The following HDLBP variants were observed in gnomAD, a reference collection of about 807,000 sequenced individuals.
HDLBP encodes vigilin.
Under a neutral mutation model 137.3 loss-of-function variants are expected in HDLBP, and 30 were observed. The observed-to-expected ratio is 0.22, with a 90% CI of 0.16 to 0.30. The LOEUF (loss-of-function observed/expected upper bound fraction) is 0.30. HDLBP is among the 10% of genes least tolerant of loss of function. The probability of loss-of-function intolerance (pLI) is 1.00; values close to 1 mark genes in which losing one functional copy is unlikely to be tolerated. For synonymous variants in HDLBP, 606 were observed against 596.0 expected (o/e 1.02, Z -0.24); for missense variants, 1,119 against 1,667.3 (o/e 0.67, Z 5.73).
intron 11 of HDLBP, 116 bp downstream of exon 11, chr2:241,252,841 T>C (rs1257326695): frequency 4.6e-6 from 3 of 649,290 alleles, no homozygotes; most frequent in East Asian, 2.6e-5. Flanking sequence ...GTAACTCCCA[T>C]TACAGGCAGC....
chr2:241,257,218 A>T (rs993928887), intron 5 of HDLBP, among the ~76,000 whole-genome samples: 1 of 152,244 alleles, frequency 6.6e-6, no homozygotes, highest in Non-Finnish European at 1.5e-5. Flanking sequence ...ACTACTTAGA[A>T]GATGTAATGA....
chr2:241,285,139 C>T (rs1457811736), intron 1 of HDLBP, among the ~76,000 whole-genome samples: 1 of 152,358 alleles, frequency 6.6e-6, no homozygotes, highest in African/African-American at 2.4e-5. Flanking sequence ...CCTTGGCCTC[C>T]CAATGTGCTG....
chr2:241,233,907 A>G lies in HDLBP; in HGVS notation c.3201T>C (p.Ile1067=), dbSNP rs1470392456. 1 of 1,614,108 alleles carries G rather than the reference A, an allele frequency of 6.2e-7. No individual in the cohort carries two copies. The highest frequency in any genetic ancestry group is 1.1e-5 in the South Asian group (1 of 91,064). ...VTVDPKYHPK[I]IGRKGAVITQ... is the part of the protein sequence containing the mutation. ...TAATTACTGCCCCCTTTCTCCCGAT[A>G]ATCTTGGGATGGTATTTGGGGTCTA... Residue 1067 remains isoleucine (I), a synonymous_variant, in exon 24 of 28, where the codon ATT becomes ATC. Coordinates refer to ENST00000310931, the MANE Select transcript of HDLBP (RefSeq NM_005336.6). This position sits in a 1 kb window ranked among gnomAD's most constrained non-coding sequence, Gnocchi z 4.3.
chr2:241,309,213 A>G (rs758256315), intron 1 of HDLBP, among the ~76,000 whole-genome samples: 1 of 152,032 alleles, frequency 6.6e-6, no homozygotes, highest in African/African-American at 2.4e-5. Flanking sequence ...TCTTGTCCAC[A>G]TTGGACATAC....
chr2:241,304,764 G>A (rs1279429752), intron 1 of HDLBP, among the ~76,000 whole-genome samples: 1 of 152,180 alleles, frequency 6.6e-6, no homozygotes, highest in Admixed American at 6.5e-5. Context: ...GTGTGGGCAG[G>A]ATATCCCCTT....
rs16843541 is a variant in HDLBP, at chr2:241,273,615, A to T, written c.-102-5074T>A. The T allele has an allele frequency of 2.6e-5, 26 of 985,370 alleles. No homozygotes were observed. In the East Asian group the frequency reaches 3.0e-3, roughly 112 times the overall value. The allele number at this position is 985,370 out of a possible 1,614,324, so 61.0% of individuals were successfully genotyped here. ...AAAGGGAGTCGAGCAATCTGTAGAG[A>T]TGTCAGTCTGAACCTCTGGCAAAGT... is the stretch of plus-strand genomic sequence containing the variant. On this transcript the variant is annotated intron_variant, in intron 1 of 27. Transcript: ENST00000310931.
intron 16 of HDLBP, chr2:241,242,899 G>A: frequency 1.8e-6 from 1 of 569,084 alleles, no homozygotes; most frequent in Non-Finnish European, 3.2e-6. Flanking sequence ...AGCAGAGCAG[G>A]CGCGCTGGGA....
chr2:241,311,970 G>A (rs1456290175), intron 1 of HDLBP, among the ~76,000 whole-genome samples: 1 of 152,180 alleles, frequency 6.6e-6, no homozygotes, highest in East Asian at 1.9e-4. Context: ...AAATACAGAC[G>A]TCAAGCAAAT....
chr2:241,300,506 G>A (rs1217007646), intron 1 of HDLBP, among the ~76,000 whole-genome samples: 2 of 152,198 alleles, frequency 1.3e-5, no homozygotes, highest in African/African-American at 4.8e-5. Flanking sequence ...GGGGCAGGTA[G>A]AGAAGACAAG....
chr2:241,296,275 G>A (rs1237074321), intron 1 of HDLBP, among the ~76,000 whole-genome samples: 1 of 152,152 alleles, frequency 6.6e-6, no homozygotes, highest in Non-Finnish European at 1.5e-5. Flanking sequence ...AATCAGCAAG[G>A]AATTGGGCCA....
intron 7 of HDLBP, 78 bp from the exon 8 acceptor site, chr2:241,255,658 AAAGC>A (rs2072555418): frequency 9.5e-7 from 1 of 1,053,542 alleles, no homozygotes; most frequent in Non-Finnish European, 1.5e-6. Context: ...ACTGCTGCAG[AAAGC>A]AAGCCAAAGC....
chr2:241,246,202 A>T (rs1354224864), intron 16 of HDLBP, among the ~76,000 whole-genome samples: 1 of 151,528 alleles, frequency 6.6e-6, no homozygotes, highest in African/African-American at 2.4e-5. Context: ...TTCACACAAA[A>T]GCGTAGACAA....
chr2:241,232,407 C>T (rs551179856), intron 24 of HDLBP, among the ~76,000 whole-genome samples: 31 of 152,182 alleles, frequency 2.0e-4, no homozygotes, highest in Non-Finnish European at 3.1e-4. Context: ...TCCCGAGTAG[C>T]TGGGATTACA....
Position 241,272,788 on chromosome 2 carries a change from C to G in HDLBP, c.-102-4247G>C, listed in dbSNP as rs1247997297. 1 of 285,062 alleles carries G rather than the reference C, an allele frequency of 3.5e-6. No individual in the cohort carries two copies. Among genetic ancestry groups the G allele is most frequent in the Non-Finnish European group, 5.2e-6 (1 of 191,124 alleles). 17.7% of individuals were successfully genotyped at this position (285,062 alleles called of 1,614,324 possible). A position where few individuals can be genotyped will look rare whatever the true frequency, so the allele number is the denominator to read the frequency against. On this transcript the variant is annotated intron_variant, in intron 1 of 27. Transcript: ENST00000310931. This position sits in a 1 kb window ranked among gnomAD's most constrained non-coding sequence, Gnocchi z 5.6. ...GTGGGCCCCCGCCCGCTGGTCCTGC[C>G]GCTGGCTTACTCGCCCCCCGCGCGG...
At chr2:241,268,658 G>C (rs1009100672) in intron 1 of HDLBP, 117 bp from the exon 2 acceptor site, 6 of 254,684 alleles carry the variant, frequency 2.4e-5, no homozygotes, top group Non-Finnish European at 3.7e-5. Flanking sequence ...AGATATTTAT[G>C]CTTTGGTTAC....
rs2070091799 is a variant in HDLBP at position 241,233,892 on chromosome 2, C to T, written c.3216G>A (p.Gly1072=). The T allele has an allele frequency of 1.2e-6, 2 of 1,614,034 alleles. 1 individual carries two copies. The highest frequency in any genetic ancestry group is 2.2e-5 in the South Asian group (2 of 91,078). ...CCAACCGGATTTGGGTAATTACTGC[C>T]CCCTTTCTCCCGATAATCTTGGGAT... ...KYHPKIIGRK[G]AVITQIRLEH... The change falls in exon 24 of 28, where the codon GGG becomes GGA. Residue 1072 remains glycine (G), a synonymous_variant. Transcript: ENST00000310931. The surrounding 1 kb of genome is among the most constrained non-coding windows in gnomAD (Gnocchi z 4.3).
Position 241,259,994 on chromosome 2 carries a change from G to GTTAT in HDLBP, c.450+2713_450+2716dup, listed in dbSNP as rs147269062. Among the ~76,000 whole-genome samples the GTTAT allele has an allele frequency of 5.2e-3, 790 of 152,088 alleles. 5 individuals carry two copies. The highest frequency in any genetic ancestry group is 0.018 in the African/African-American group (743 of 41,458). On this transcript the variant is annotated intron_variant, in intron 5 of 27. Transcript: ENST00000310931. ...ATCTTTCTGTGTTAGAAATTAAGAA[G>GTTAT]TTATTTATTTATTTATTTATTATTT...
At chr2:241,282,093 A>G (rs1204689320) in intron 1 of HDLBP, among the ~76,000 whole-genome samples, 1 of 152,238 alleles carries the variant, frequency 6.6e-6, no homozygotes, top group East Asian at 1.9e-4. Flanking sequence ...CATCTCCTCT[A>G]CCACAAACAC....
intron 1 of HDLBP, among the ~76,000 whole-genome samples, chr2:241,287,538 A>G (rs1267302287): frequency 2.7e-5 from 4 of 150,828 alleles, no homozygotes; most frequent in Admixed American, 2.0e-4. Context: ...CTCCCACCTC[A>G]GCCTCCCAAG....
Sources: gnomAD v4.1 joint callset for allele counts (sites outside exome capture counted in the v4.1 genomes callset) on GRCh38, gnomAD v4.1.1 for gene constraint, Gnocchi (gnomAD v3.1) non-coding constraint, MANE v1.5 for transcripts, NCBI Gene and HGNC (gene_info 2026-07-23, HGNC 2026-07-21) for gene names.